The following AGBL1 variants were observed in gnomAD, a reference collection of about 807,000 sequenced individuals.
AGBL1 encodes cytosolic carboxypeptidase 4.
In AGBL1, 130 loss-of-function variants were observed where a neutral mutation model predicts 118.9. That is an observed-to-expected ratio of 1.09 (90% confidence interval 0.95 to 1.26). AGBL1 has a LOEUF of 1.26. Among genes scored for constraint, AGBL1 ranks in the 50% most tolerant of loss-of-function variants. The pLI, the probability that AGBL1 is intolerant of heterozygous loss-of-function variation, is 0.00. For missense variants in AGBL1, 1,584 were observed against 1,298.1 expected, an observed-to-expected ratio of 1.22 and a Z score of -3.38; for synonymous variants, 555 against 478.9, an observed-to-expected ratio of 1.16 and a Z score of -2.08.
intron 22 of AGBL1, among the ~76,000 whole-genome samples, chr15:86,698,655 GACTGATCAGT>G (rs1380241173): frequency 6.7e-6 from 1 of 149,964 alleles, no homozygotes; most frequent in East Asian, 2.0e-4. Flanking sequence ...TTATGGAGGT[GACTGATCAGT>G]ACTCTCAGGC....
chr15:86,605,826 T>C (rs1161715068), intron 21 of AGBL1, among the ~76,000 whole-genome samples: 1 of 151,426 alleles, frequency 6.6e-6, no homozygotes, highest in Admixed American at 6.6e-5. Flanking sequence ...GGAGGCAGCA[T>C]TGGTTGAAAG....
intron 21 of AGBL1, among the ~76,000 whole-genome samples, chr15:86,622,916 A>G (rs1314302063): frequency 6.6e-6 from 1 of 152,200 alleles, no homozygotes; most frequent in African/African-American, 2.4e-5. Context: ...GGAGGTGATG[A>G]GAGACAGTGA....
At chr15:86,383,386 A>G (rs2081139911) in intron 17 of AGBL1, among the ~76,000 whole-genome samples, 1 of 151,878 alleles carries the variant, frequency 6.6e-6, no homozygotes, top group Non-Finnish European at 1.5e-5. Flanking sequence ...TCGGGAGTTC[A>G]AGACCAGCCT....
At chr15:86,479,460 C>A (rs968015971) in intron 18 of AGBL1, among the ~76,000 whole-genome samples, 1 of 152,138 alleles carries the variant, frequency 6.6e-6, no homozygotes. Flanking sequence ...ATTTATGCCA[C>A]CAACAGACAC....
chr15:86,471,327 A>T (rs1050348387), intron 18 of AGBL1, among the ~76,000 whole-genome samples: 2 of 152,148 alleles, frequency 1.3e-5, no homozygotes, highest in African/African-American at 4.8e-5. Context: ...CCTTCATTCT[A>T]TTAAGATGGT....
chr15:86,825,054 C>G (rs940362713), intron 22 of AGBL1, among the ~76,000 whole-genome samples: 1 of 151,874 alleles, frequency 6.6e-6, no homozygotes, highest in Non-Finnish European at 1.5e-5. Context: ...GAGACTCTGT[C>G]TCAAAACAAA....
chr15:86,236,943 GGGGGGGGGCGGGGGGGC>G (rs2078557683), intron 6 of AGBL1, among the ~76,000 whole-genome samples: 1 of 73,668 alleles, frequency 1.4e-5, no homozygotes, highest in African/African-American at 6.0e-5. Context: ...GGGGGGGGGC[GGGGGGGGGCGGGGGGGC>G]GCCAAGTTGC....
chr15:86,479,816 CA>C (rs1457919231), intron 18 of AGBL1, among the ~76,000 whole-genome samples: 1 of 152,070 alleles, frequency 6.6e-6, no homozygotes, highest in African/African-American at 2.4e-5. Context: ...TTCACAATAG[CA>C]AAGACTTGGA....
intron 15 of AGBL1, 61 bp downstream of exon 15, chr15:86,271,767 C>A: frequency 6.9e-7 from 1 of 1,448,006 alleles, no homozygotes. Flanking sequence ...CAATTTCCCA[C>A]TTTTCCATAT....
chr15:86,458,379 G>A (rs879726567), intron 18 of AGBL1, among the ~76,000 whole-genome samples: 3 of 152,080 alleles, frequency 2.0e-5, no homozygotes, highest in Non-Finnish European at 2.9e-5. Flanking sequence ...CAAGAATTAA[G>A]CTATCCATTT....
chr15:86,365,652 G>T (rs1596021133), intron 17 of AGBL1, among the ~76,000 whole-genome samples: 2 of 151,200 alleles, frequency 1.3e-5, no homozygotes, highest in African/African-American at 2.4e-5. Flanking sequence ...TTATTTTTTA[G>T]CCCTTTTTCT....
chr15:86,218,901 G>C (rs2078233765), intron 5 of AGBL1, among the ~76,000 whole-genome samples: 1 of 152,202 alleles, frequency 6.6e-6, no homozygotes, highest in African/African-American at 2.4e-5. Context: ...TGCCTTGATT[G>C]CAGCCTTGTC....
chr15:86,196,893 A>G lies in AGBL1; in HGVS notation c.489-28021A>G, dbSNP rs1399385018. On this transcript the variant is annotated intron_variant, in intron 5 of 22. Transcript: ENST00000614907. Reference sequence around the variant, plus strand: ...TGCGCGCGCGCGCACACACACACACACACACACACACACACACACACACAC... The same window carrying G: ...TGCGCGCGCGCGCACACACACACACGCACACACACACACACACACACACAC... Among the ~76,000 whole-genome samples the G allele has an allele frequency of 4.8e-3, 722 of 150,030 alleles. 9 individuals carry two copies. The highest frequency in any genetic ancestry group is 9.4e-3 in the African/African-American group (381 of 40,346).
intron 22 of AGBL1, among the ~76,000 whole-genome samples, chr15:86,826,180 C>G (rs1034850736): frequency 6.6e-6 from 1 of 152,070 alleles, no homozygotes; most frequent in Non-Finnish European, 1.5e-5. Context: ...TTCCTTAAAG[C>G]TTCTACACAT....
At chr15:86,899,915 C>G (rs2141578155) in intron 22 of AGBL1, among the ~76,000 whole-genome samples, 1 of 152,288 alleles carries the variant, frequency 6.6e-6, no homozygotes, top group South Asian at 2.1e-4. Flanking sequence ...CAGACCCACC[C>G]TCAATCTGGG....
intron 3 of AGBL1, among the ~76,000 whole-genome samples, chr15:86,147,198 C>T (rs533533899): frequency 9.2e-5 from 14 of 152,276 alleles, no homozygotes; most frequent in East Asian, 3.9e-4. Flanking sequence ...GCGTGACTGA[C>T]GCAGAAGATG....
At chr15:86,557,745 T>C (rs1024006361) in intron 21 of AGBL1, among the ~76,000 whole-genome samples, 21 of 152,100 alleles carry the variant, frequency 1.4e-4, no homozygotes, top group African/African-American at 4.6e-4. Context: ...TCTTCTTTCT[T>C]TTTTTTATAC....
chr15:86,144,835 T>C (rs969505343), intron 3 of AGBL1, among the ~76,000 whole-genome samples: 1 of 152,106 alleles, frequency 6.6e-6, no homozygotes, highest in African/African-American at 2.4e-5. Flanking sequence ...AAAAATAAAG[T>C]CTATAATATA....
chr15:86,187,544 C>A (rs12916101), intron 5 of AGBL1, among the ~76,000 whole-genome samples: 2 of 152,088 alleles, frequency 1.3e-5, no homozygotes, highest in African/African-American at 4.8e-5. Context: ...TGCTGCTGAG[C>A]CTCAATTTTT....
Sources: allele counts gnomAD v4.1 joint callset (sites outside exome capture counted in the v4.1 genomes callset), GRCh38; gene constraint gnomAD v4.1.1; transcripts MANE v1.5; gene names NCBI Gene and HGNC (gene_info 2026-07-23, HGNC 2026-07-21).